TSEN2: variants seen among roughly 807,000 people sequenced by gnomAD.
TSEN2 encodes the protein tRNA-splicing endonuclease subunit Sen2.
Under a neutral mutation model 59.2 loss-of-function variants are expected in TSEN2, and 54 were observed. The observed-to-expected ratio is 0.91, with a 90% CI of 0.73 to 1.14. The LOEUF is 1.14. Among genes scored for constraint, TSEN2 ranks in the 50% most tolerant of loss-of-function variants. TSEN2 has a pLI of 0.00. For missense variants in TSEN2, 636 were observed against 576.2 expected, an observed-to-expected ratio of 1.10 and a Z score of -1.06; for synonymous variants, 195 against 198.2, an observed-to-expected ratio of 0.98 and a Z score of 0.14.
chr3:12,524,805 C>T (rs556386862), intron 8 of TSEN2, among the ~76,000 whole-genome samples: 4 of 148,992 alleles, frequency 2.7e-5, no homozygotes, highest in South Asian at 2.1e-4. Flanking sequence ...TGCAGTGGCG[C>T]GATCTCAGCT....
intron 2 of TSEN2, 124 bp from the exon 3 acceptor site, chr3:12,492,012 T>G (rs1354622264): frequency 3.9e-6 from 3 of 763,948 alleles, no homozygotes; most frequent in Non-Finnish European, 6.9e-6. Context: ...CTGCCGATTT[T>G]GGTATCCACC....
chr3:12,517,666 G>A (rs138570529), intron 7 of TSEN2, among the ~76,000 whole-genome samples: 4 of 152,268 alleles, frequency 2.6e-5, no homozygotes, highest in East Asian at 1.9e-4. Context: ...CATAAATACC[G>A]TTCATGGGTA....
chr3:12,507,560 A>G (rs979842941), intron 6 of TSEN2, among the ~76,000 whole-genome samples: 5 of 152,256 alleles, frequency 3.3e-5, no homozygotes, highest in African/African-American at 1.2e-4. Flanking sequence ...AAAGCTAATT[A>G]GCAGCTTGTT....
chr3:12,517,766 G>C (rs552659456), intron 7 of TSEN2, among the ~76,000 whole-genome samples: 3 of 152,146 alleles, frequency 2.0e-5, no homozygotes, highest in African/African-American at 7.2e-5. Context: ...TTCCTCTCGC[G>C]GGCCTTAGCT....
At chr3:12,538,537 C>T (rs2057732865), downstream of TSEN2, among the ~76,000 whole-genome samples, 1 of 151,652 alleles carries the variant, frequency 6.6e-6, no homozygotes, top group Non-Finnish European at 1.5e-5. Context: ...AATGGCTTCC[C>T]CCTAAGTTAT....
At chr3:12,525,830 G>T (rs993120690) in intron 8 of TSEN2, among the ~76,000 whole-genome samples, 4 of 151,910 alleles carry the variant, frequency 2.6e-5, no homozygotes, top group Non-Finnish European at 5.9e-5. Context: ...CTCCCAAAGT[G>T]CTGGGATTAC....
Position 12,492,154 on chromosome 3 carries a change from A to G in TSEN2, c.208A>G (p.Ile70Val), listed in dbSNP as rs370350417. The change falls in exon 3 of 12, where the codon ATT becomes GTT. Residue 70 changes from isoleucine to valine, a missense_variant. Transcript: ENST00000284995. ...LYGKGYFGKG[I>V]LSRSRPSFTI... is the part of the protein sequence containing the mutation. ...CTGGAAGGGTTATTTTGGAAAAGGT[A>G]TTCTTTCAAGAAGCCGTCCAAGCTT... 5 of 1,614,100 alleles carry G rather than the reference A, an allele frequency of 3.1e-6. No homozygotes were observed. Among genetic ancestry groups the G allele is most frequent in the South Asian group, 1.1e-5 (1 of 91,076 alleles).
intron 4 of TSEN2, among the ~76,000 whole-genome samples, chr3:12,502,887 T>C (rs998511859): frequency 1.3e-5 from 2 of 151,780 alleles, no homozygotes. Flanking sequence ...TCCTGGCCAA[T>C]ATAGTGAAAC....
At chr3:12,530,540 A>G in intron 10 of TSEN2, 2 of 985,478 alleles carry the variant, frequency 2.0e-6, no homozygotes, top group Non-Finnish European at 2.4e-6. Flanking sequence ...TTACTCAGTG[A>G]TTTGCTGGCT....
At chr3:12,539,166 C>T in exon 11 of TSEN2, 2 of 442,440 alleles carry the variant, frequency 4.5e-6, no homozygotes, top group South Asian at 1.6e-5. Flanking sequence ...TGTAGTCTCG[C>T]TCTGTCGTCC....
chr3:12,505,101 T>G, intron 5 of TSEN2, 53 bp from the exon 6 acceptor site: 1 of 1,001,404 alleles, frequency 1.0e-6, no homozygotes, highest in Middle Eastern at 2.2e-4. Flanking sequence ...ACATTCTCTA[T>G]GACATGTAGT....
intron 3 of TSEN2, among the ~76,000 whole-genome samples, chr3:12,493,116 G>C (rs1054546175): frequency 6.6e-6 from 1 of 151,944 alleles, no homozygotes; most frequent in African/African-American, 2.4e-5. Context: ...ACTTCATTCC[G>C]TTTTATAGTG....
At chr3:12,519,835 C>T (rs527484625) in intron 8 of TSEN2, among the ~76,000 whole-genome samples, 2 of 152,178 alleles carry the variant, frequency 1.3e-5, no homozygotes, top group Non-Finnish European at 2.9e-5. Context: ...CCCTTATCCC[C>T]GGGCCTCAGT....
chr3:12,528,922 A>G lies in TSEN2; in HGVS notation c.1134A>G (p.Ala378=). The G allele has an allele frequency of 1.2e-6, 2 of 1,613,894 alleles. No homozygotes were observed. The highest frequency in any genetic ancestry group is 1.7e-6 in the Non-Finnish European group (2 of 1,179,988). ...GGAAAGGCCCTCCATTTTACCATGC[A>G]AGGTTCGGAGTGATTTTTAAATAAA... ...LYRKGPPFYH[A]SYSVIIELVD... The change falls in exon 9 of 12, where the codon GCA becomes GCG. Residue 378 remains alanine, a splice_region_variant and synonymous_variant. Transcript: ENST00000284995.
intron 10 of TSEN2, chr3:12,530,568 A>C (rs963497950): frequency 1.0e-6 from 1 of 985,338 alleles, no homozygotes; most frequent in Non-Finnish European, 1.2e-6. Flanking sequence ...AATTGTAGAT[A>C]CCCTCTAATT....
At chr3:12,480,528 GTTTTTTTTT>G (rs752340308), upstream of TSEN2, among the ~76,000 whole-genome samples, 57 of 91,754 alleles carry the variant, frequency 6.2e-4, 1 homozygote, top group African/African-American at 1.4e-3. Context: ...TTGTTTCTTT[GTTTTTTTTT>G]TTTTTTTTTT....
chr3:12,516,507 T>A, intron 6 of TSEN2, 104 bp from the exon 7 acceptor site: 3 of 900,132 alleles, frequency 3.3e-6, no homozygotes, highest in Admixed American at 1.9e-5. Flanking sequence ...GATGATGACT[T>A]AAGAGCATTT....
At chr3:12,515,824 G>C (rs1221409321) in intron 6 of TSEN2, among the ~76,000 whole-genome samples, 1 of 151,914 alleles carries the variant, frequency 6.6e-6, no homozygotes, top group East Asian at 1.9e-4. Context: ...TGGGAAACTA[G>C]TATTTTGTCA....
chr3:12,527,084 C>T (rs1451796322), intron 8 of TSEN2, among the ~76,000 whole-genome samples: 1 of 152,174 alleles, frequency 6.6e-6, no homozygotes, highest in East Asian at 1.9e-4. Flanking sequence ...ACTTTTGTTC[C>T]AGTACATGGT....
Sources: gnomAD v4.1 joint callset for allele counts (sites outside exome capture counted in the v4.1 genomes callset) on GRCh38, gnomAD v4.1.1 for gene constraint, MANE v1.5 for transcripts, NCBI Gene and HGNC (gene_info 2026-07-23, HGNC 2026-07-21) for gene names.